GLIS3: variants seen among roughly 807,000 people sequenced by gnomAD.
GLIS3 encodes GLIS family zinc finger 3, also known as zinc finger protein GLIS3.
GLIS3 carries 53 observed loss-of-function variants against 78.6 expected under a neutral mutation model. The ratio of observed to expected loss-of-function variants is 0.67; its 90% CI spans 0.54 to 0.85. GLIS3 has a LOEUF of 0.85. Among genes scored for constraint, GLIS3 ranks in the 40% least tolerant of loss-of-function variants. The probability of loss-of-function intolerance (pLI) is 0.00; values close to 1 mark genes in which losing one functional copy is unlikely to be tolerated. For missense variants in GLIS3, 1,703 were observed against 1,231.1 expected (o/e 1.38, Z -5.74); for synonymous variants, 684 against 509.9 (o/e 1.34, Z -4.60).
intron 2 of GLIS3, among the ~76,000 whole-genome samples, chr9:4,184,303 C>A (rs1429648717): frequency 6.6e-6 from 1 of 152,112 alleles, no homozygotes; most frequent in Non-Finnish European, 1.5e-5. Flanking sequence ...TATGTGACTG[C>A]ACAAGGATGT....
intron 4 of GLIS3, among the ~76,000 whole-genome samples, chr9:4,043,960 C>T (rs1040534663): frequency 6.6e-5 from 10 of 152,284 alleles, no homozygotes; most frequent in African/African-American, 2.4e-4. Context: ...GCACCCACAG[C>T]CGGCTGTTGT....
intron 4 of GLIS3, among the ~76,000 whole-genome samples, chr9:4,065,929 T>C (rs368425841): frequency 1.3e-5 from 2 of 151,146 alleles, no homozygotes; most frequent in African/African-American, 4.9e-5. Flanking sequence ...GATAGGAAAA[T>C]AGATTTTTGG....
chr9:4,092,152 ATTTT>A (rs112790451), intron 4 of GLIS3, among the ~76,000 whole-genome samples: 1,734 of 137,670 alleles, frequency 0.013, 10 homozygotes, highest in Admixed American at 0.018. Context: ...CTGTTTTACA[ATTTT>A]TTTTTTTTTT....
intron 9 of GLIS3, among the ~76,000 whole-genome samples, chr9:3,847,240 C>T (rs1390268900): frequency 1.3e-5 from 2 of 151,904 alleles, no homozygotes; most frequent in Admixed American, 1.3e-4. Context: ...AAAGAGGGGG[C>T]AGAGAAACAG....
At chr9:4,332,843 T>C (rs1407528197) in intron 2 of GLIS3, among the ~76,000 whole-genome samples, 1 of 152,230 alleles carries the variant, frequency 6.6e-6, no homozygotes, top group East Asian at 1.9e-4. Flanking sequence ...AGATACTACA[T>C]ATTCTGAACC....
intron 8 of GLIS3, among the ~76,000 whole-genome samples, chr9:3,867,752 T>A (rs556179915): frequency 1.4e-5 from 2 of 139,472 alleles, no homozygotes; most frequent in African/African-American, 2.6e-5. Flanking sequence ...TGTGTGTGTG[T>A]GTGAGTGCAT....
chr9:4,428,796 G>C, the GLIS3 span, among the ~76,000 whole-genome samples: 1 of 152,092 alleles, frequency 6.6e-6, no homozygotes, highest in African/African-American at 2.4e-5. Context: ...TTGTTGCAAA[G>C]GCACTTTTAG....
chr9:4,075,893 C>T (rs1828007966), intron 4 of GLIS3, among the ~76,000 whole-genome samples: 1 of 152,122 alleles, frequency 6.6e-6, no homozygotes, highest in East Asian at 1.9e-4. Flanking sequence ...TGTAAAATTC[C>T]TTTAAAGGCA....
intron 1 of GLIS3, among the ~76,000 whole-genome samples, chr9:4,298,745 C>T (rs1307404747): frequency 2.6e-5 from 4 of 152,170 alleles, no homozygotes; most frequent in South Asian, 4.1e-4. Context: ...TGTCTGCGTC[C>T]TGGCGGCGTG....
At chr9:3,999,658 G>A (rs1820991347) in intron 4 of GLIS3, among the ~76,000 whole-genome samples, 1 of 151,802 alleles carries the variant, frequency 6.6e-6, no homozygotes. Flanking sequence ...TATTCAACAG[G>A]AAAAGTCACT....
chr9:4,258,471 T>C (rs1825192876), intron 2 of GLIS3, among the ~76,000 whole-genome samples: 1 of 152,200 alleles, frequency 6.6e-6, no homozygotes, highest in African/African-American at 2.4e-5. Context: ...GTGTTGGGAA[T>C]TTGTCTTTGG....
At chr9:4,110,054 C>T (rs1294507714) in intron 4 of GLIS3, among the ~76,000 whole-genome samples, 4 of 152,194 alleles carry the variant, frequency 2.6e-5, no homozygotes, top group Non-Finnish European at 4.4e-5. Flanking sequence ...AGATTGTGAG[C>T]TCCCAAAGGG....
rs565270948 is a variant in GLIS3, at chr9:4,197,762, G to C, written c.389-71821C>G. On this transcript the variant is annotated intron_variant, in intron 2 of 10. Coordinates refer to ENST00000381971, the MANE Select transcript of GLIS3 (RefSeq NM_001042413.2). Reference sequence around the variant, plus strand: ...GTGAGCAAGGACACCCAGCCACAAAGGCCACCGCCAGCTCTTACTCATCTG... The same window carrying C: ...GTGAGCAAGGACACCCAGCCACAAACGCCACCGCCAGCTCTTACTCATCTG... Among the ~76,000 whole-genome samples the C allele has an allele frequency of 2.1e-4, 32 of 152,298 alleles. 1 individual carries two copies. The South Asian group carries it at 6.0e-3, about 29-fold the overall frequency.
chr9:4,124,669 T>A (rs936906080), intron 3 of GLIS3, among the ~76,000 whole-genome samples: 1 of 152,166 alleles, frequency 6.6e-6, no homozygotes, highest in African/African-American at 2.4e-5. Context: ...AACTATGATT[T>A]CAGAGTCTCA....
chr9:3,939,355 G>A (rs1052173429), intron 4 of GLIS3, among the ~76,000 whole-genome samples: 3 of 152,164 alleles, frequency 2.0e-5, no homozygotes, highest in Non-Finnish European at 4.4e-5. Flanking sequence ...AATTCAAACT[G>A]TTCACTTGAT....
intron 2 of GLIS3, among the ~76,000 whole-genome samples, chr9:4,173,561 TACACAC>T (rs34572625): frequency 0.095 from 13,941 of 146,162 alleles, 722 homozygotes; most frequent in East Asian, 0.16. Context: ...TGTGTATAGA[TACACAC>T]ACACACACAC....
At chr9:4,440,497 T>A in the GLIS3 span, among the ~76,000 whole-genome samples, 67 of 152,300 alleles carry the variant, frequency 4.4e-4, no homozygotes, top group Admixed American at 2.5e-3. Flanking sequence ...GGCTGTAAAT[T>A]GTGGATTTAT....
chr9:4,311,828 G>C (rs1252767847), intron 2 of GLIS3, among the ~76,000 whole-genome samples: 2 of 152,208 alleles, frequency 1.3e-5, no homozygotes, highest in African/African-American at 4.8e-5. Context: ...AATTCAGTTA[G>C]ATGATGTCTT....
chr9:4,050,522 G>A (rs191443031), intron 4 of GLIS3, among the ~76,000 whole-genome samples: 500 of 152,164 alleles, frequency 3.3e-3, no homozygotes, highest in East Asian at 5.8e-3. Flanking sequence ...GGTGCAGCAA[G>A]CCAACATGGC....
Sources: allele counts gnomAD v4.1 joint callset (sites outside exome capture counted in the v4.1 genomes callset), GRCh38; gene constraint gnomAD v4.1.1; transcripts MANE v1.5; gene names NCBI Gene and HGNC (gene_info 2026-07-23, HGNC 2026-07-21).